Variants in AGBL4 observed in about 807,000 individuals in gnomAD.
AGBL4 encodes cytosolic carboxypeptidase 6.
AGBL4 carries 58 observed loss-of-function variants against 66.4 expected under a neutral mutation model. The ratio of observed to expected loss-of-function variants is 0.87; its 90% confidence interval spans 0.71 to 1.09. AGBL4 has a LOEUF of 1.09. Ranked by LOEUF, AGBL4 falls within the 50% of genes least tolerant of loss-of-function variation. AGBL4 has a pLI of 0.00. For missense variants in AGBL4, 579 were observed against 631.0 expected (o/e 0.92, Z 0.88); for synonymous variants, 234 against 222.9 (o/e 1.05, Z -0.44).
At chr1:49,765,622 C>T (rs1652675357) in intron 2 of AGBL4, among the ~76,000 whole-genome samples, 1 of 151,864 alleles carries the variant, frequency 6.6e-6, no homozygotes, top group Admixed American at 6.6e-5. Flanking sequence ...TAATAAATGA[C>T]ATATAAAGAA....
At chr1:48,776,670 G>A (rs1645106408) in intron 6 of AGBL4, 2 of 1,498,938 alleles carry the variant, frequency 1.3e-6, no homozygotes, top group Non-Finnish European at 1.8e-6. Context: ...GGGCGCGCGG[G>A]GGGCTCTCGG....
At chr1:48,830,511 G>T (rs560715759) in intron 6 of AGBL4, among the ~76,000 whole-genome samples, 1 of 152,332 alleles carries the variant, frequency 6.6e-6, no homozygotes, top group Admixed American at 6.5e-5. Context: ...GAGGTCAGGG[G>T]ACCAATTCCC....
intron 3 of AGBL4, among the ~76,000 whole-genome samples, chr1:49,608,947 CA>C (rs1645107270): frequency 6.6e-6 from 1 of 152,082 alleles, no homozygotes; most frequent in Admixed American, 6.6e-5. Context: ...AGCCATTTTA[CA>C]AATGAGAAAT....
At chr1:49,969,762 G>C (rs1657894784) in intron 1 of AGBL4, among the ~76,000 whole-genome samples, 1 of 152,126 alleles carries the variant, frequency 6.6e-6, no homozygotes, top group Admixed American at 6.6e-5. Flanking sequence ...TTCATCCACT[G>C]ATAGACTTTT....
chr1:49,916,661 C>T (rs1334020982), intron 1 of AGBL4, among the ~76,000 whole-genome samples: 1 of 152,334 alleles, frequency 6.6e-6, no homozygotes, highest in East Asian at 1.9e-4. Flanking sequence ...AAACACTCTG[C>T]AGGATATTAT....
At chr1:48,837,711 CTATATATATATATATA>C (rs58650623) in intron 6 of AGBL4, among the ~76,000 whole-genome samples, 5 of 82,298 alleles carry the variant, frequency 6.1e-5, no homozygotes, top group South Asian at 5.9e-4. Context: ...CACACACACA[CTATATATATATATATA>C]TATATATATA....
In AGBL4 at chr1:49,543,779, T is replaced by C. The variant is rs942049428; in HGVS notation, c.282+153534A>G. Among the ~76,000 whole-genome samples the C allele has an allele frequency of 9.2e-5, 14 of 152,256 alleles. 1 individual carries two copies. Among genetic ancestry groups the C allele is most frequent in the Admixed American group, 8.5e-4 (13 of 15,298 alleles). On this transcript the variant is annotated intron_variant, in intron 3 of 13. Coordinates refer to ENST00000371839, the MANE Select transcript of AGBL4 (RefSeq NM_032785.4). ...CCTGATTACTGATTTGCTGGTGCCA[T>C]AGTGTAGCCCAGAGTCCCTGGGCTT...
intron 1 of AGBL4, among the ~76,000 whole-genome samples, chr1:49,953,113 A>C (rs1656300880): frequency 6.6e-6 from 1 of 152,012 alleles, no homozygotes; most frequent in Non-Finnish European, 1.5e-5. Context: ...AGAAGCAAGA[A>C]GTTTGCAACA....
At chr1:49,689,367 A>G (rs574312981) in intron 3 of AGBL4, among the ~76,000 whole-genome samples, 1 of 152,278 alleles carries the variant, frequency 6.6e-6, no homozygotes, top group South Asian at 2.1e-4. Context: ...CTTTTGTCAA[A>G]AAGGAGTTCA....
chr1:49,160,291 T>C (rs1442060583), intron 4 of AGBL4, among the ~76,000 whole-genome samples: 3 of 152,214 alleles, frequency 2.0e-5, no homozygotes, highest in Admixed American at 6.5e-5. Context: ...CCTTTCTGTT[T>C]GTTAGTTTTC....
intron 8 of AGBL4, among the ~76,000 whole-genome samples, chr1:48,649,354 G>T (rs1286856387): frequency 6.6e-6 from 1 of 152,194 alleles, no homozygotes; most frequent in Admixed American, 6.5e-5. Flanking sequence ...TAACTGAGGT[G>T]CAGTAAGTAA....
intron 3 of AGBL4, among the ~76,000 whole-genome samples, chr1:49,592,097 T>C (rs1644762439): frequency 6.6e-6 from 1 of 152,164 alleles, no homozygotes; most frequent in Admixed American, 6.6e-5. Flanking sequence ...TGGGATCTAA[T>C]TAAACTAAGG....
At chr1:48,825,743 T>C (rs977596022) in intron 6 of AGBL4, among the ~76,000 whole-genome samples, 1 of 152,158 alleles carries the variant, frequency 6.6e-6, no homozygotes, top group Non-Finnish European at 1.5e-5. Flanking sequence ...TATATGCAAG[T>C]ACCAAGTGAA....
intron 6 of AGBL4, among the ~76,000 whole-genome samples, chr1:48,737,255 G>C (rs1215074562): frequency 6.6e-6 from 1 of 152,142 alleles, no homozygotes; most frequent in African/African-American, 2.4e-5. Flanking sequence ...CTGCACTCCA[G>C]TCTGGGAGAC....
At chr1:49,583,208 T>A (rs1172635494) in intron 3 of AGBL4, among the ~76,000 whole-genome samples, 1 of 152,164 alleles carries the variant, frequency 6.6e-6, no homozygotes, top group Non-Finnish European at 1.5e-5. Context: ...AAAGGCTGCT[T>A]ACCAGCTTAA....
chr1:48,907,697 G>A (rs748819323), intron 5 of AGBL4, among the ~76,000 whole-genome samples: 14 of 152,148 alleles, frequency 9.2e-5, no homozygotes, highest in Non-Finnish European at 1.3e-4. Flanking sequence ...CTGGGTACAT[G>A]CTGTTTCAGT....
chr1:49,784,639 A>C (rs1046512552), intron 2 of AGBL4, among the ~76,000 whole-genome samples: 2 of 152,092 alleles, frequency 1.3e-5, no homozygotes, highest in Non-Finnish European at 2.9e-5. Context: ...CAAAATTTAA[A>C]AACGATAAAT....
chr1:48,855,639 C>T (rs564431966), intron 6 of AGBL4, among the ~76,000 whole-genome samples: 2 of 152,142 alleles, frequency 1.3e-5, no homozygotes, highest in African/African-American at 4.8e-5. Context: ...TCTAAAATAT[C>T]CAGTAAAAAA....
At chr1:48,807,988 G>T (rs1367485673) in intron 6 of AGBL4, among the ~76,000 whole-genome samples, 1 of 152,098 alleles carries the variant, frequency 6.6e-6, no homozygotes, top group Non-Finnish European at 1.5e-5. Flanking sequence ...TGACACAAAG[G>T]GAAGAGAAGG....
Sources: gnomAD v4.1 joint callset for allele counts (sites outside exome capture counted in the v4.1 genomes callset) on GRCh38, gnomAD v4.1.1 for gene constraint, MANE v1.5 for transcripts, NCBI Gene and HGNC (gene_info 2026-07-23, HGNC 2026-07-21) for gene names.